The following FAM117B variants were observed in gnomAD, a reference collection of about 807,000 sequenced individuals.
The protein encoded by FAM117B is protein FAM117B.
In FAM117B, 22 loss-of-function variants were observed where a neutral mutation model predicts 52.8. The ratio of observed to expected loss-of-function variants is 0.42; its 90% confidence interval spans 0.30 to 0.59. The LOEUF is 0.59. Among genes scored for constraint, FAM117B ranks in the 20% least tolerant of loss-of-function variants. The pLI is 0.22. For missense variants in FAM117B, 678 were observed against 802.6 expected (o/e 0.84, Z 1.88); for synonymous variants, 309 against 324.1 (o/e 0.95, Z 0.50).
chr2:202,687,948 C>T (rs767061936), intron 1 of FAM117B, among the ~76,000 whole-genome samples: 5 of 151,814 alleles, frequency 3.3e-5, no homozygotes, highest in Admixed American at 6.6e-5. Flanking sequence ...GAGAAATTAA[C>T]TGAAAAAGAA....
At chr2:202,718,696 T>A (rs1281557395) in intron 2 of FAM117B, among the ~76,000 whole-genome samples, 1 of 152,204 alleles carries the variant, frequency 6.6e-6, no homozygotes, top group South Asian at 2.1e-4. Context: ...GAAGATGTAC[T>A]CCAGGTCTCA....
chr2:202,651,071 T>C (rs1213852635), intron 1 of FAM117B, among the ~76,000 whole-genome samples: 1 of 151,140 alleles, frequency 6.6e-6, no homozygotes, highest in Non-Finnish European at 1.5e-5. Context: ...TTTTTTTTTT[T>C]TTTTTTTTTA....
chr2:202,712,422 T>C (rs1477224754), intron 2 of FAM117B, among the ~76,000 whole-genome samples: 21 of 143,998 alleles, frequency 1.5e-4, no homozygotes, highest in Middle Eastern at 3.6e-3. Context: ...CAGCTCTCTT[T>C]TTTTTTTTTT....
At chr2:202,675,984 CA>C (rs778502048) in intron 1 of FAM117B, among the ~76,000 whole-genome samples, 4,628 of 56,722 alleles carry the variant, frequency 0.082, 53 homozygotes, top group Non-Finnish European at 0.12. Context: ...GACACAGTCT[CA>C]AAAAAAAAAA....
rs1040404817 is a variant in FAM117B at position 202,766,781 on chromosome 2, A to G, written c.*1017A>G. 2 of 152,310 alleles carry G rather than the reference A, an allele frequency of 1.3e-5. No individual in the cohort carries two copies. Among genetic ancestry groups the G allele is most frequent in the Admixed American group, 6.5e-5 (1 of 15,282 alleles). The allele number at this position is 152,310 out of a possible 1,614,324, so 9.4% of individuals were successfully genotyped here. A position where few individuals can be genotyped will look rare whatever the true frequency, so the allele number is the denominator to read the frequency against. Reference sequence around the variant, plus strand: ...GTATCATAGCCCCAAAGAGATCCTGAAATGGCTGTGCATGGATTTCCTCCT... The same window carrying G: ...GTATCATAGCCCCAAAGAGATCCTGGAATGGCTGTGCATGGATTTCCTCCT... On this transcript the variant is annotated 3_prime_UTR_variant, in exon 8 of 8. Coordinates refer to ENST00000392238, the MANE Select transcript of FAM117B (RefSeq NM_173511.4).
intron 1 of FAM117B, among the ~76,000 whole-genome samples, chr2:202,659,385 C>T (rs1036835545): frequency 6.6e-6 from 1 of 152,024 alleles, no homozygotes; most frequent in African/African-American, 2.4e-5. Context: ...TCTTAGTTCA[C>T]TGCAGCCTCT....
intron 1 of FAM117B, among the ~76,000 whole-genome samples, chr2:202,664,162 C>G (rs1690169434): frequency 6.6e-6 from 1 of 152,160 alleles, no homozygotes; most frequent in African/African-American, 2.4e-5. Flanking sequence ...CATGATATCC[C>G]TCTTTAAGGG....
chr2:202,641,588 C>T (rs1689770229), intron 1 of FAM117B, among the ~76,000 whole-genome samples: 2 of 151,054 alleles, frequency 1.3e-5, no homozygotes, highest in South Asian at 4.2e-4. Context: ...GGAATAAAAT[C>T]TTTGTAATCT....
intron 1 of FAM117B, among the ~76,000 whole-genome samples, chr2:202,655,413 G>GT (rs1690036842): frequency 6.6e-6 from 1 of 152,062 alleles, no homozygotes; most frequent in Non-Finnish European, 1.5e-5. Context: ...GGGTCATACA[G>GT]TAAGTGTATG....
At chr2:202,666,290 G>A (rs1690203968) in intron 1 of FAM117B, among the ~76,000 whole-genome samples, 2 of 151,800 alleles carry the variant, frequency 1.3e-5, no homozygotes, top group Admixed American at 1.3e-4. Flanking sequence ...AAAAAAAATA[G>A]AAACAGTTTA....
At chr2:202,745,061 C>CAG (rs58354098) in intron 4 of FAM117B, among the ~76,000 whole-genome samples, 9 of 38,820 alleles carry the variant, frequency 2.3e-4, no homozygotes, top group Non-Finnish European at 7.1e-4. Flanking sequence ...GCAGGCAGAT[C>CAG]TTGTGGTCAG....
chr2:202,668,057 T>C (rs1280125222), intron 1 of FAM117B, among the ~76,000 whole-genome samples: 3 of 147,140 alleles, frequency 2.0e-5, no homozygotes, highest in South Asian at 4.2e-4. Flanking sequence ...CTTTAAAATA[T>C]ATATATATTG....
intron 4 of FAM117B, among the ~76,000 whole-genome samples, chr2:202,740,174 CAAAAAAAAAAAAA>C (rs67479326): frequency 9.9e-6 from 1 of 100,570 alleles, no homozygotes; most frequent in African/African-American, 4.1e-5. Context: ...CTTCATCCCC[CAAAAAAAAAAAAA>C]AAAAAAAAAA....
chr2:202,657,832 C>T (rs75550819), intron 1 of FAM117B, among the ~76,000 whole-genome samples: 3,251 of 152,194 alleles, frequency 0.021, 129 homozygotes, highest in African/African-American at 0.075. Flanking sequence ...TTTCAGATTG[C>T]TTGACTGTTG....
intron 4 of FAM117B, among the ~76,000 whole-genome samples, chr2:202,735,782 AGTT>A (rs2105791161): frequency 6.6e-6 from 1 of 152,178 alleles, no homozygotes; most frequent in South Asian, 2.1e-4. Context: ...TTTTTACAGT[AGTT>A]ATGTTTTTTT....
At chr2:202,745,374 C>A (rs1691615645) in intron 4 of FAM117B, among the ~76,000 whole-genome samples, 1 of 151,780 alleles carries the variant, frequency 6.6e-6, no homozygotes, top group Non-Finnish European at 1.5e-5. Flanking sequence ...AATACTTAAG[C>A]AAGTCCTACA....
At chr2:202,697,660 C>G (rs1352344849) in intron 2 of FAM117B, among the ~76,000 whole-genome samples, 2 of 151,370 alleles carry the variant, frequency 1.3e-5, no homozygotes, top group African/African-American at 4.9e-5. Context: ...AAGCGATTCT[C>G]ATGCCTCAGC....
At chr2:202,651,718 A>G (rs185268232) in intron 1 of FAM117B, among the ~76,000 whole-genome samples, 1 of 152,242 alleles carries the variant, frequency 6.6e-6, no homozygotes, top group Admixed American at 6.5e-5. Context: ...ACTGGGATAT[A>G]ATGGGCTATA....
At chr2:202,666,667 TC>T (rs1192027349) in intron 1 of FAM117B, among the ~76,000 whole-genome samples, 2 of 145,588 alleles carry the variant, frequency 1.4e-5, no homozygotes, top group Non-Finnish European at 3.0e-5. Context: ...TCGTTTCATT[TC>T]TTTTTTTTTT....
Sources: gnomAD v4.1 joint callset for allele counts (sites outside exome capture counted in the v4.1 genomes callset) on GRCh38, gnomAD v4.1.1 for gene constraint, MANE v1.5 for transcripts, NCBI Gene and HGNC (gene_info 2026-07-23, HGNC 2026-07-21) for gene names.